Variants in OGFOD1 observed in about 807,000 individuals in gnomAD.
The protein encoded by OGFOD1 is prolyl 3-hydroxylase OGFOD1.
Under a neutral mutation model 67.7 loss-of-function variants are expected in OGFOD1, and 54 were observed. That is an observed-to-expected ratio of 0.80 (90% CI 0.64 to 1.00). OGFOD1 has a LOEUF of 1.00. Ranked by LOEUF, OGFOD1 falls within the 50% of genes least tolerant of loss-of-function variation. The pLI is 0.00. For missense variants in OGFOD1, 606 were observed against 646.7 expected, an observed-to-expected ratio of 0.94 and a Z score of 0.68; for synonymous variants, 221 against 227.0, an observed-to-expected ratio of 0.97 and a Z score of 0.24.
chr16:56,465,388 T>C (rs1567549533), intron 4 of OGFOD1, among the ~76,000 whole-genome samples: 2 of 152,184 alleles, frequency 1.3e-5, no homozygotes, highest in African/African-American at 4.8e-5. Context: ...CACCACAGGG[T>C]TCATTCTAGA....
chr16:56,474,856 A>G lies in OGFOD1; in HGVS notation c.1314A>G (p.Glu438=). ...CAAGTGTTCCCATGTGCCAAGGGGA[A>G]CTGAGGCATTGGAAGACCGGTCACT... ...KESSVPMCQG[E]LRHWKTGHYT... is the part of the protein sequence containing the mutation. The change falls in exon 11 of 13, where the codon GAA becomes GAG. Residue 438 remains glutamate (E), a synonymous_variant. Coordinates refer to ENST00000566157, the MANE Select transcript of OGFOD1 (RefSeq NM_018233.4). The G allele has an allele frequency of 6.2e-7, 1 of 1,613,280 alleles. No homozygotes were observed.
Position 56,475,478 on chromosome 16 carries a change from C to A in OGFOD1, c.1409-29C>A, listed in dbSNP as rs375629494. ...GTGCGACTCTTTCAATAGGAGCTTTCTGAATGCTGTTTGTTTTTCTCTTGT... is the reference window on the plus strand; with the variant it reads ...GTGCGACTCTTTCAATAGGAGCTTTATGAATGCTGTTTGTTTTTCTCTTGT... On this transcript the variant is annotated intron_variant, in intron 11 of 12. Transcript: ENST00000566157. 18 of 1,609,442 alleles carry A rather than the reference C, an allele frequency of 1.1e-5. No individual in the cohort carries two copies. The East Asian group carries it at 3.8e-4, about 34-fold the overall frequency.
In OGFOD1 at chr16:56,451,734, A is replaced by T. The variant is rs148476450; in HGVS notation, c.122A>T (p.Glu41Val). The change falls in exon 1 of 13, where the codon GAG becomes GTG. Residue 41 changes from glutamate (E) to valine (V), a missense_variant. Transcript: ENST00000566157. ...GAAACCTTGAAAAAGCAGGTGGCTG[A>T]GGCCTGGAGCCGCAGGACGCCGTTC... ...TEETLKKQVA[E>V]AWSRRTPFSH... The T allele has an allele frequency of 2.4e-5, 39 of 1,613,290 alleles. No homozygotes were observed. In the Admixed American group the frequency reaches 4.8e-4, roughly 20 times the overall value.
At chr16:56,475,645 C>A in intron 12 of OGFOD1, 80 bp downstream of exon 12, 1 of 1,138,322 alleles carries the variant, frequency 8.8e-7, no homozygotes, top group Non-Finnish European at 1.3e-6. Flanking sequence ...TTTTTATGAC[C>A]TTCTACCAGT....
At chr16:56,466,065 T>C (rs775535066) in intron 4 of OGFOD1, 87 bp from the exon 5 acceptor site, 3 of 885,316 alleles carry the variant, frequency 3.4e-6, no homozygotes, top group Non-Finnish European at 5.6e-6. Context: ...TACAGTTGAA[T>C]GTCAAACGGA....
chr16:56,466,041 G>C, intron 4 of OGFOD1, 111 bp from the exon 5 acceptor site: 1 of 718,454 alleles, frequency 1.4e-6, no homozygotes, highest in East Asian at 2.5e-5. Context: ...GACATTTAAA[G>C]CTGGAGCTGA....
At chr16:56,461,642 G>A (rs562349395) in intron 3 of OGFOD1, among the ~76,000 whole-genome samples, 94 of 152,290 alleles carry the variant, frequency 6.2e-4, no homozygotes, top group African/African-American at 2.1e-3. Context: ...CACACTGGGG[G>A]CAGTCTCATG....
At position 56,476,154 on chromosome 16, in the gene OGFOD1, C is replaced by G; in HGVS notation, c.1578C>G (p.Thr526=). 6 of 1,613,486 alleles carry G rather than the reference C, an allele frequency of 3.7e-6. No individual in the cohort carries two copies. The highest frequency in any genetic ancestry group is 5.1e-6 in the Non-Finnish European group (6 of 1,179,970). The change falls in exon 13 of 13, where the codon ACC becomes ACG. Residue 526 remains threonine, a synonymous_variant. Coordinates refer to ENST00000566157, the MANE Select transcript of OGFOD1 (RefSeq NM_018233.4). ...INHRSLEQKK[T]FPNRTGFWDF... ...ACCGAAGCCTGGAACAAAAGAAAAC[C>G]TTCCCAAACAGAACAGGTTTCTGGG... is the stretch of plus-strand genomic sequence containing the variant.
At chr16:56,467,438 T>C in intron 7 of OGFOD1, 145 bp downstream of exon 7, 1 of 951,008 alleles carries the variant, frequency 1.1e-6, no homozygotes, top group Non-Finnish European at 1.5e-6. Flanking sequence ...TCCTTTTTTT[T>C]TTTTTTGAGA....
At position 56,478,799 on chromosome 16, in the gene OGFOD1, C is replaced by T. The variant is rs759085827; in HGVS notation, c.*2594C>T. The T allele has an allele frequency of 6.6e-6, 1 of 152,114 alleles. No individual in the cohort carries two copies. The highest frequency in any genetic ancestry group is 2.4e-5 in the African/African-American group (1 of 41,410). The allele number at this position is 152,114 out of a possible 1,614,324, so 9.4% of individuals were successfully genotyped here. A position where few individuals can be genotyped will look rare whatever the true frequency, so the allele number is the denominator to read the frequency against. On this transcript the variant is annotated 3_prime_UTR_variant, in exon 13 of 13. Transcript: ENST00000566157. ...CTTTTATACACTACAAAAAGGGACT[C>T]GGGTGTCTGAGGGGAGAGAATCCCT...
intron 7 of OGFOD1, 137 bp downstream of exon 7, chr16:56,467,430 CTTTTTT>C: frequency 1.3e-6 from 1 of 754,788 alleles, no homozygotes; most frequent in Non-Finnish European, 2.0e-6. Context: ...TTTTTTCTTC[CTTTTTT>C]TTTTTTTTGA....
intron 8 of OGFOD1, among the ~76,000 whole-genome samples, chr16:56,469,204 A>G (rs1319182267): frequency 6.6e-6 from 1 of 152,232 alleles, no homozygotes; most frequent in Non-Finnish European, 1.5e-5. Flanking sequence ...GAATATTTCA[A>G]TGGATTAACC....
rs1189108242 is a variant in OGFOD1, at chr16:56,453,428, A to G, written c.300+20A>G. 6.2e-7 allele frequency: 1 copy of G among 1,603,524 alleles called. No individual in the cohort carries two copies. On this transcript the variant is annotated intron_variant, in intron 2 of 12. Coordinates refer to ENST00000566157, the MANE Select transcript of OGFOD1 (RefSeq NM_018233.4). ...CAGCAGGTATTTATTCCCCTGCCAC[A>G]TTAACTCTTCCAGCTTGGAAATTCA...
chr16:56,466,168 T>C lies in OGFOD1; in HGVS notation c.465T>C (p.His155=), dbSNP rs1415968338. ...CTATTGCAGATGCCCTGCTGTGCCATGATGATGAGCTGGAAGGGCGCCGGA... is the reference window on the plus strand; with the variant it reads ...CTATTGCAGATGCCCTGCTGTGCCACGATGATGAGCTGGAAGGGCGCCGGA... ...KYEFTDALLC[H]DDELEGRRIA... The change falls in exon 5 of 13, where the codon CAT becomes CAC. Residue 155 remains histidine (H), a synonymous_variant. Coordinates refer to ENST00000566157, the MANE Select transcript of OGFOD1 (RefSeq NM_018233.4). 1 of 1,613,900 alleles carries C rather than the reference T, an allele frequency of 6.2e-7. No homozygotes were observed. The highest frequency in any genetic ancestry group is 8.5e-7 in the Non-Finnish European group (1 of 1,179,940).
At chr16:56,456,576 C>G (rs914220340) in intron 2 of OGFOD1, among the ~76,000 whole-genome samples, 3 of 152,196 alleles carry the variant, frequency 2.0e-5, no homozygotes, top group African/African-American at 7.2e-5. Context: ...TGAAACTCTG[C>G]TATCTCTACC....
chr16:56,467,411 TTTTC>T (rs1324934233), intron 7 of OGFOD1, 118 bp downstream of exon 7: 16 of 1,154,422 alleles, frequency 1.4e-5, no homozygotes, highest in Admixed American at 2.5e-5. Flanking sequence ...CCCTTTCCAC[TTTTC>T]TTTTTTTTTT....
chr16:56,468,760 C>A (rs1210304471), intron 8 of OGFOD1, among the ~76,000 whole-genome samples: 3 of 151,294 alleles, frequency 2.0e-5, no homozygotes, highest in Non-Finnish European at 2.9e-5. Context: ...AAAACTTATT[C>A]TCATGCCCTG....
intron 4 of OGFOD1, among the ~76,000 whole-genome samples, chr16:56,463,385 T>G (rs12922954): frequency 3.2e-4 from 7 of 21,942 alleles, no homozygotes; most frequent in African/African-American, 2.1e-3. Context: ...CTTTTTTGGG[T>G]TTTTTTTTTT....
rs1334814380 is a variant in OGFOD1 at position 56,477,307 on chromosome 16, C to A, written c.*1102C>A. On this transcript the variant is annotated 3_prime_UTR_variant, in exon 13 of 13. Transcript: ENST00000566157. ...TGGCCTTGTTCCACCATGACTCTCA[C>A]AGTACAGTGTAGGCTTAGTGTAGTA... 2.0e-5 allele frequency: 3 copies of A among 152,234 alleles called. No homozygotes were observed. Among genetic ancestry groups the A allele is most frequent in the Non-Finnish European group, 4.4e-5 (3 of 68,060 alleles). 9.4% of individuals were successfully genotyped at this position (152,234 alleles called of 1,614,324 possible).
Sources: gnomAD v4.1 joint callset for allele counts (sites outside exome capture counted in the v4.1 genomes callset) on GRCh38, gnomAD v4.1.1 for gene constraint, MANE v1.5 for transcripts, NCBI Gene and HGNC (gene_info 2026-07-23, HGNC 2026-07-21) for gene names.